DGKG: variants seen among roughly 807,000 people sequenced by gnomAD.
DGKG encodes diacylglycerol kinase gamma, also known as DAG kinase gamma.
In DGKG, 78 loss-of-function variants were observed where a neutral mutation model predicts 105.3. That is an observed-to-expected ratio of 0.74 (90% CI 0.62 to 0.89). The LOEUF is 0.89. Ranked by LOEUF, DGKG falls within the 40% of genes least tolerant of loss-of-function variation. DGKG has a pLI of 0.00. For synonymous variants in DGKG, 346 were observed against 367.1 expected (o/e 0.94, Z 0.66); for missense variants, 958 against 1,020.1 (o/e 0.94, Z 0.83).
At chr3:186,232,447 T>C (rs1437587090) in intron 20 of DGKG, among the ~76,000 whole-genome samples, 3 of 152,234 alleles carry the variant, frequency 2.0e-5, no homozygotes, top group African/African-American at 7.2e-5. Flanking sequence ...TGAGCCTGAA[T>C]GACTTATATA....
chr3:186,165,162 AGGG>A, intron 22 of DGKG, 144 bp from the exon 23 acceptor site: 1 of 824,800 alleles, frequency 1.2e-6, no homozygotes, highest in Non-Finnish European at 1.8e-6. Flanking sequence ...CACTCTGAAT[AGGG>A]TGTTTCCCCA....
chr3:186,209,093 C>CTTTTTTTTTTT lies in DGKG; in HGVS notation c.1917+2691_1917+2701dup, dbSNP rs34226259. Reference sequence around the variant, plus strand: ...TTTTCTCTCCCTTCAGTTTACTCTTCTTTTTTTTTTTTTTTTTTTTTTTAA... The same window carrying CTTTTTTTTTTT: ...TTTTCTCTCCCTTCAGTTTACTCTTCTTTTTTTTTTTTTTTTTTTTTTTTTTTTTTTTTTAA... On this transcript the variant is annotated intron_variant, in intron 21 of 24. Transcript: ENST00000265022. Among the ~76,000 whole-genome samples, 26 of 89,796 alleles carry CTTTTTTTTTTT rather than the reference C, an allele frequency of 2.9e-4. 2 individuals carry two copies. The highest frequency in any genetic ancestry group is 1.3e-3 in the African/African-American group (26 of 20,760). The allele number at this position is 89,796 out of a possible 152,430, so 58.9% of individuals were successfully genotyped here. A position where few individuals can be genotyped will look rare whatever the true frequency, so the allele number is the denominator to read the frequency against.
At chr3:186,174,820 C>A (rs905000139) in intron 22 of DGKG, among the ~76,000 whole-genome samples, 1 of 152,090 alleles carries the variant, frequency 6.6e-6, no homozygotes, top group Non-Finnish European at 1.5e-5. Flanking sequence ...GTTGGGTACC[C>A]CGCTCCTTTG....
chr3:186,314,172 TGCACACACACACACAC>T (rs1285847975), intron 2 of DGKG, among the ~76,000 whole-genome samples: 5 of 113,376 alleles, frequency 4.4e-5, no homozygotes, highest in African/African-American at 2.0e-4. Flanking sequence ...TATACATATC[TGCACACACACACACAC>T]ACACACACAC....
chr3:186,310,289 A>AG (rs1724473778), intron 2 of DGKG, among the ~76,000 whole-genome samples: 48 of 136,422 alleles, frequency 3.5e-4, no homozygotes, highest in African/African-American at 1.2e-3. Context: ...AAAAAAAAAA[A>AG]CCACACACAC....
intron 6 of DGKG, 99 bp downstream of exon 6, chr3:186,288,611 G>A: frequency 7.7e-7 from 1 of 1,305,112 alleles, no homozygotes; most frequent in Non-Finnish European, 1.1e-6. Flanking sequence ...GCATATCCGT[G>A]ATATCAACTC....
At chr3:186,329,036 G>A (rs781701099) in intron 1 of DGKG, among the ~76,000 whole-genome samples, 9 of 152,096 alleles carry the variant, frequency 5.9e-5, no homozygotes, top group Non-Finnish European at 1.3e-4. Context: ...CACGAAGCTC[G>A]GCACTTCCCT....
chr3:186,347,493 C>T (rs1364040472), intron 1 of DGKG, among the ~76,000 whole-genome samples: 1 of 150,368 alleles, frequency 6.7e-6, no homozygotes, highest in African/African-American at 2.4e-5. Context: ...ACCATTCACA[C>T]TTAATGTGGT....
Position 186,164,995 on chromosome 3 carries a change from C to G in DGKG, c.2119G>C (p.Val707Leu), listed in dbSNP as rs749682629. 6.2e-7 allele frequency: 1 copy of G among 1,613,700 alleles called. No homozygotes were observed. Among genetic ancestry groups the G allele is most frequent in the Admixed American group, 1.7e-5 (1 of 59,952 alleles). Residue 707 changes from valine to leucine, a missense_variant, in exon 23 of 25, where the codon GTG becomes CTG. Physicochemically the swap from Val to Leu is conservative, Grantham distance 32 (BLOSUM62 1). Coordinates refer to ENST00000265022, the MANE Select transcript of DGKG (RefSeq NM_001346.3). ...TCCATGGCTCCTTCTAGCCCCACCACTTCAAGGAGCTGGTCACTGAGGTCT... is the reference window on the plus strand; with the variant it reads ...TCCATGGCTCCTTCTAGCCCCACCAGTTCAAGGAGCTGGTCACTGAGGTCT... ...VQDLSDQLLE[V>L]VGLEGAMEMG...
At chr3:186,320,730 T>C (rs1283638631) in intron 1 of DGKG, 23 bp from the exon 2 acceptor site, 2 of 392,508 alleles carry the variant, frequency 5.1e-6, no homozygotes, top group Non-Finnish European at 9.0e-6. Flanking sequence ...AGAAAAGACA[T>C]TGTAAATGAG....
intron 19 of DGKG, among the ~76,000 whole-genome samples, chr3:186,243,544 C>A (rs1296881430): frequency 6.6e-6 from 1 of 152,150 alleles, no homozygotes; most frequent in Non-Finnish European, 1.5e-5. Context: ...TAGAGCCAAC[C>A]CTAAGCCTCA....
At chr3:186,237,353 C>A (rs903832946) in intron 20 of DGKG, among the ~76,000 whole-genome samples, 2 of 152,062 alleles carry the variant, frequency 1.3e-5, no homozygotes, top group Admixed American at 6.5e-5. Flanking sequence ...GAGGAAGGGG[C>A]CTCACATTTT....
rs1553811123 is a variant in DGKG at position 186,273,367 on chromosome 3, C to CCTTTTTTTTT, written c.911-1025_911-1024insAAAAAAAAAG. On this transcript the variant is annotated intron_variant, in intron 10 of 24. Coordinates refer to ENST00000265022, the MANE Select transcript of DGKG (RefSeq NM_001346.3). ...TGGCGCTGGGGAGACTGTTGTACCCCTTTTTTTTTTTTTTTTTTTTTTTTT... is the reference window on the plus strand; with the variant it reads ...TGGCGCTGGGGAGACTGTTGTACCCCCTTTTTTTTTTTTTTTTTTTTTTTTTTTTTTTTTT... Among the ~76,000 whole-genome samples, 5 of 85,636 alleles carry CCTTTTTTTTT rather than the reference C, an allele frequency of 5.8e-5. 2 individuals carry two copies. The highest frequency in any genetic ancestry group is 1.6e-4 in the African/African-American group (4 of 25,358). The allele number at this position is 85,636 out of a possible 152,430, so 56.2% of individuals were successfully genotyped here.
chr3:186,254,900 G>C (rs1317405575), intron 17 of DGKG, among the ~76,000 whole-genome samples: 1 of 152,188 alleles, frequency 6.6e-6, no homozygotes, highest in African/African-American at 2.4e-5. Flanking sequence ...GGCCCAGGAA[G>C]CAGGCTCTGC....
At chr3:186,336,044 T>A (rs76748685) in intron 1 of DGKG, among the ~76,000 whole-genome samples, 2,977 of 152,310 alleles carry the variant, frequency 0.02, 94 homozygotes, top group African/African-American at 0.068. Context: ...AGGAATTGCC[T>A]TAACTCTAAA....
chr3:186,356,550 TAAA>T (rs943940933), intron 1 of DGKG, among the ~76,000 whole-genome samples: 1 of 152,178 alleles, frequency 6.6e-6, no homozygotes, highest in Non-Finnish European at 1.5e-5. Flanking sequence ...AATTAGACCT[TAAA>T]GAGTTTTAAT....
intron 1 of DGKG, among the ~76,000 whole-genome samples, chr3:186,346,888 A>T (rs1726362024): frequency 6.6e-6 from 1 of 152,138 alleles, no homozygotes; most frequent in Admixed American, 6.5e-5. Flanking sequence ...TGTTTTTGGC[A>T]CTCAATTTGT....
At chr3:186,237,599 G>T (rs1163640403) in intron 20 of DGKG, among the ~76,000 whole-genome samples, 2 of 152,286 alleles carry the variant, frequency 1.3e-5, no homozygotes, top group African/African-American at 4.8e-5. Flanking sequence ...GGGGACAGTA[G>T]CACTTACCCT....
At chr3:186,153,423 A>G (rs1451397925) in intron 24 of DGKG, among the ~76,000 whole-genome samples, 1 of 152,176 alleles carries the variant, frequency 6.6e-6, no homozygotes, top group Admixed American at 6.5e-5. Context: ...GCCATTAACT[A>G]AAGTCTCCAT....
Sources: allele counts gnomAD v4.1 joint callset (sites outside exome capture counted in the v4.1 genomes callset), GRCh38; gene constraint gnomAD v4.1.1; transcripts MANE v1.5; gene names NCBI Gene and HGNC (gene_info 2026-07-23, HGNC 2026-07-21).